ZNF678: variants seen among roughly 807,000 people sequenced by gnomAD.
ZNF678 encodes the protein zinc finger protein 678, also known as hypothetical protein MGC42493.
Under a neutral mutation model 3.0 loss-of-function variants are expected in ZNF678, and 5 were observed. That is an observed-to-expected ratio of 1.69 (90% confidence interval 0.88 to 3.56). The LOEUF (loss-of-function observed/expected upper bound fraction) is 3.56. Among genes scored for constraint, ZNF678 ranks in the 30% most tolerant of loss-of-function variants. The pLI is 0.00. For synonymous variants in ZNF678, 218 were observed against 199.6 expected (o/e 1.09, Z -0.78); for missense variants, 593 against 605.0 (o/e 0.98, Z 0.21).
chr1:227,563,740 A>G lies in ZNF678; in HGVS notation c.-164+16A>G, dbSNP rs1288857416. On this transcript the variant is annotated intron_variant, in intron 1 of 3. Coordinates refer to ENST00000343776, the MANE Select transcript of ZNF678 (RefSeq NM_001367909.1). ...CCGGAAAACGGTGAGAGTTCCCGGG[A>G]GGGTGTTCCAAGATGGCGGTCCGGC... The G allele has an allele frequency of 7.6e-7, 1 of 1,315,946 alleles. No homozygotes were observed. Among genetic ancestry groups the G allele is most frequent in the Admixed American group, 2.2e-5 (1 of 44,882 alleles). The allele number at this position is 1,315,946 out of a possible 1,614,324, so 81.5% of individuals were successfully genotyped here.
intron 5 of ZNF678, among the ~76,000 whole-genome samples, chr1:227,669,476 A>T (rs1159560375): frequency 6.6e-6 from 1 of 151,158 alleles, no homozygotes; most frequent in Non-Finnish European, 1.5e-5. Flanking sequence ...CTCTACTAAA[A>T]ATATATATAT....
intron 1 of ZNF678, among the ~76,000 whole-genome samples, chr1:227,595,224 CTCTT>C (rs770193614): frequency 7.3e-5 from 11 of 150,712 alleles, no homozygotes; most frequent in East Asian, 2.0e-4. Context: ...TTGTCTCTCT[CTCTT>C]TGACTTTCCT....
At chr1:227,571,996 C>T (rs534980262) in intron 1 of ZNF678, among the ~76,000 whole-genome samples, 35 of 152,296 alleles carry the variant, frequency 2.3e-4, no homozygotes, top group African/African-American at 8.2e-4. Context: ...GAGCCAAGAT[C>T]GCACCACTGC....
At chr1:227,566,733 A>G (rs190606085) in intron 1 of ZNF678, among the ~76,000 whole-genome samples, 62 of 152,218 alleles carry the variant, frequency 4.1e-4, no homozygotes, top group Admixed American at 9.2e-4. Context: ...GTTAGAAAAT[A>G]TTTACAAAGG....
chr1:227,617,637 A>T (rs73092669), intron 1 of ZNF678, among the ~76,000 whole-genome samples: 1,642 of 152,298 alleles, frequency 0.011, 34 homozygotes, highest in African/African-American at 0.038. Flanking sequence ...CAAAGTAGAA[A>T]TGGCCATACA....
chr1:227,593,475 T>G (rs975264139), intron 1 of ZNF678, among the ~76,000 whole-genome samples: 1 of 152,130 alleles, frequency 6.6e-6, no homozygotes, highest in Non-Finnish European at 1.5e-5. Context: ...ATGAAAGCTC[T>G]ACATTGGGGG....
In ZNF678 at chr1:227,655,123, A is replaced by G; in HGVS notation, c.873A>G (p.Lys291=). The G allele has an allele frequency of 1.2e-6, 2 of 1,613,126 alleles. No homozygotes were observed. The highest frequency in any genetic ancestry group is 1.7e-6 in the Non-Finnish European group (2 of 1,179,620). The change falls in exon 4 of 4, where the codon AAA becomes AAG. Residue 291 remains lysine, a synonymous_variant. Transcript: ENST00000343776. ...ATAGGAGAATTCATACTGGAGAGAA[A>G]CCCTACAAATGTGAAGAATGTGGCA... ...TRHRRIHTGE[K]PYKCEECGKA... is the part of the protein sequence containing the mutation.
At chr1:227,585,880 CAA>C (rs912226203) in intron 1 of ZNF678, among the ~76,000 whole-genome samples, 3 of 152,218 alleles carry the variant, frequency 2.0e-5, no homozygotes, top group African/African-American at 7.2e-5. Context: ...CCACTTAAGA[CAA>C]AGAATAGAGC....
intron 1 of ZNF678, among the ~76,000 whole-genome samples, chr1:227,646,231 T>C (rs1482118225): frequency 6.6e-6 from 1 of 152,224 alleles, no homozygotes; most frequent in East Asian, 1.9e-4. Context: ...GATTTTTCCA[T>C]CTGAGAAATT....
At position 227,655,343 on chromosome 1, in the gene ZNF678, A is replaced by C. The variant is rs751411421; in HGVS notation, c.1093A>C (p.Thr365Pro). 6.2e-7 allele frequency: 1 copy of C among 1,612,676 alleles called. No homozygotes were observed. The highest frequency in any genetic ancestry group is 1.1e-5 in the South Asian group (1 of 90,982). ...GRTFTQFSNL[T>P]QHKRIHTGEK... ...AACCTTTACTCAATTCTCAAACCTC[A>C]CTCAGCATAAAAGAATTCATACTGG... The change falls in exon 4 of 4, where the codon ACT (threonine) becomes CCT (proline). Residue 365 changes from threonine to proline, a missense_variant. Physicochemically the swap from Thr to Pro is conservative, Grantham distance 38 (BLOSUM62 -1). Transcript: ENST00000343776.
At chr1:227,599,766 G>A (rs147169388) in intron 1 of ZNF678, among the ~76,000 whole-genome samples, 6 of 152,136 alleles carry the variant, frequency 3.9e-5, no homozygotes, top group East Asian at 1.9e-4. Flanking sequence ...AATATTCAGC[G>A]TGATTGTATA....
rs1405684814 is a variant in ZNF678 at position 227,662,150 on chromosome 1, T to C, written c.*6322T>C. 1 of 152,182 alleles carries C rather than the reference T, an allele frequency of 6.6e-6. No individual in the cohort carries two copies. The highest frequency in any genetic ancestry group is 1.5e-5 in the Non-Finnish European group (1 of 68,030). The allele number at this position is 152,182 out of a possible 1,614,324, so 9.4% of individuals were successfully genotyped here. A position where few individuals can be genotyped will look rare whatever the true frequency, so the allele number is the denominator to read the frequency against. On this transcript the variant is annotated 3_prime_UTR_variant, in exon 4 of 4. Transcript: ENST00000343776. ...ATACTTTCAAGCGTTTCTATGGTAT[T>C]TGTCAGCTGTGGAGCAACAGCACAC...
At chr1:227,573,149 C>T (rs1403093152) in intron 1 of ZNF678, among the ~76,000 whole-genome samples, 2 of 152,214 alleles carry the variant, frequency 1.3e-5, no homozygotes, top group African/African-American at 4.8e-5. Context: ...CCAACTCACA[C>T]ACATGGTTAT....
chr1:227,606,174 G>A (rs916216333), intron 1 of ZNF678, among the ~76,000 whole-genome samples: 9 of 152,242 alleles, frequency 5.9e-5, no homozygotes, highest in Admixed American at 2.6e-4. Context: ...CACCGGTGCC[G>A]GTCTCCGAGT....
intron 1 of ZNF678, among the ~76,000 whole-genome samples, chr1:227,613,345 T>C (rs2102762682): frequency 6.6e-6 from 1 of 152,284 alleles, no homozygotes; most frequent in South Asian, 2.1e-4. Context: ...GATTACGTTT[T>C]CCTCTTATTT....
chr1:227,585,354 A>G (rs1412787368), intron 1 of ZNF678, among the ~76,000 whole-genome samples: 1 of 152,250 alleles, frequency 6.6e-6, no homozygotes, highest in Non-Finnish European at 1.5e-5. Context: ...GAAACGAATT[A>G]AAGTAATACA....
At chr1:227,566,009 C>T (rs746431447) in intron 1 of ZNF678, among the ~76,000 whole-genome samples, 40 of 152,202 alleles carry the variant, frequency 2.6e-4, no homozygotes, top group Non-Finnish European at 5.4e-4. Flanking sequence ...GATCCGCCCA[C>T]CTCAGCCTCC....
intron 1 of ZNF678, among the ~76,000 whole-genome samples, chr1:227,585,212 A>G (rs1657227387): frequency 6.6e-6 from 1 of 152,204 alleles, no homozygotes; most frequent in African/African-American, 2.4e-5. Context: ...TAGATCTGTT[A>G]TGTTAAACAT....
downstream of ZNF678, among the ~76,000 whole-genome samples, chr1:227,665,245 G>GC (rs1659482447): frequency 6.6e-6 from 1 of 152,302 alleles, no homozygotes; most frequent in African/African-American, 2.4e-5. Flanking sequence ...ACTTCTCTGG[G>GC]CCTCATTTTT....
Sources: allele counts gnomAD v4.1 joint callset (sites outside exome capture counted in the v4.1 genomes callset), GRCh38; gene constraint gnomAD v4.1.1; transcripts MANE v1.5; gene names NCBI Gene and HGNC (gene_info 2026-07-23, HGNC 2026-07-21).